LUZP1: variants seen among roughly 807,000 people sequenced by gnomAD.
LUZP1 encodes leucine zipper protein 1, also known as filamin mechanobinding actin cross-linking protein.
LUZP1 carries 25 observed loss-of-function variants against 71.3 expected under a neutral mutation model. The observed-to-expected ratio is 0.35, with a 90% CI of 0.26 to 0.49. LUZP1 has a LOEUF of 0.49. Among genes scored for constraint, LUZP1 ranks in the 20% least tolerant of loss-of-function variants. The pLI is 0.99. For synonymous variants in LUZP1, 481 were observed against 506.4 expected (o/e 0.95, Z 0.67); for missense variants, 1,142 against 1,300.8 (o/e 0.88, Z 1.88).
At chr1:23,126,549 C>T (rs1403276647) in intron 2 of LUZP1, among the ~76,000 whole-genome samples, 1 of 152,178 alleles carries the variant, frequency 6.6e-6, no homozygotes, top group Non-Finnish European at 1.5e-5. Flanking sequence ...TGAATGTAAG[C>T]TCTATTAGAA....
chr1:23,175,060 A>G (rs1417531952), intron 1 of LUZP1, among the ~76,000 whole-genome samples: 1 of 152,096 alleles, frequency 6.6e-6, no homozygotes, highest in Non-Finnish European at 1.5e-5. Context: ...TTGCTAGTAT[A>G]TTGCATATAC....
chr1:23,156,205 C>A (rs767763812), intron 2 of LUZP1, among the ~76,000 whole-genome samples: 1 of 152,210 alleles, frequency 6.6e-6, no homozygotes, highest in Non-Finnish European at 1.5e-5. Flanking sequence ...CATGGTGAAA[C>A]CCTGTCTCTA....
At chr1:23,173,360 T>TCTTTTTTTTTTC (rs1284660347) in intron 1 of LUZP1, among the ~76,000 whole-genome samples, 1 of 140,832 alleles carries the variant, frequency 7.1e-6, no homozygotes, top group African/African-American at 2.6e-5. Flanking sequence ...CTTTTTTTTT[T>TCTTTTTTTTTTC]TTTTTTTTTT....
intron 2 of LUZP1, among the ~76,000 whole-genome samples, chr1:23,168,126 G>T (rs1644525059): frequency 6.9e-6 from 1 of 144,504 alleles, no homozygotes; most frequent in African/African-American, 2.5e-5. Flanking sequence ...CGGCGCGGCC[G>T]ACAGCTGCGG....
chr1:23,094,359 A>T lies in LUZP1; in HGVS notation c.-98T>A. 6.7e-7 allele frequency: 1 copy of T among 1,489,606 alleles called. No individual in the cohort carries two copies. The highest frequency in any genetic ancestry group is 8.9e-7 in the Non-Finnish European group (1 of 1,124,422). The allele number at this position is 1,489,606 out of a possible 1,614,324, so 92.3% of individuals were successfully genotyped here. On this transcript the variant is annotated 5_prime_UTR_variant, in exon 4 of 5. An upstream open reading frame in the 5' UTR gains an earlier in-frame stop. Transcript: ENST00000302291. The surrounding 1 kb of genome is among the most constrained non-coding windows in gnomAD (Gnocchi z 4.7). ...CTCTTGGCAACCACAATCTTCTTTG[A>T]CAGCTGGAGACCATCATCAATCTAC...
At chr1:23,152,750 C>T (rs529362848) in intron 2 of LUZP1, among the ~76,000 whole-genome samples, 4 of 152,174 alleles carry the variant, frequency 2.6e-5, no homozygotes, top group East Asian at 1.9e-4. Context: ...AGGCTGGTCT[C>T]GAACTCCTAG....
chr1:23,123,492 CAA>C (rs10716851), intron 2 of LUZP1, among the ~76,000 whole-genome samples: 22,446 of 106,952 alleles, frequency 0.21, 1,591 homozygotes, highest in Middle Eastern at 0.36. Context: ...ACTTTGTCTC[CAA>C]AAAAAAAAAA....
chr1:23,148,559 C>T (rs1055806034), intron 2 of LUZP1, among the ~76,000 whole-genome samples: 2 of 152,180 alleles, frequency 1.3e-5, no homozygotes, highest in Non-Finnish European at 2.9e-5. Flanking sequence ...CTCCAGGGAA[C>T]TGTCACAGTG....
chr1:23,131,144 G>C (rs996425292), intron 2 of LUZP1, among the ~76,000 whole-genome samples: 8 of 147,620 alleles, frequency 5.4e-5, no homozygotes, highest in African/African-American at 2.0e-4. Context: ...GCTTGAACCC[G>C]GGAGATGGAG....
chr1:23,170,806 C>A (rs1299195321), intron 1 of LUZP1, among the ~76,000 whole-genome samples: 5 of 151,988 alleles, frequency 3.3e-5, no homozygotes, highest in Non-Finnish European at 4.4e-5. Context: ...ATTGACCAGG[C>A]GCGGTTGCTC....
chr1:23,152,477 G>C (rs756420691), intron 2 of LUZP1, among the ~76,000 whole-genome samples: 2 of 152,066 alleles, frequency 1.3e-5, no homozygotes, highest in Non-Finnish European at 2.9e-5. Context: ...GCTATGTCTT[G>C]TACCCTTTCC....
intron 2 of LUZP1, among the ~76,000 whole-genome samples, chr1:23,113,423 AAAAC>A (rs1374344400): frequency 2.6e-5 from 4 of 152,166 alleles, no homozygotes; most frequent in Admixed American, 6.5e-5. Context: ...AAACAAAACA[AAAAC>A]AAACAAACAA....
At chr1:23,163,264 T>C (rs1412541543) in intron 2 of LUZP1, among the ~76,000 whole-genome samples, 1 of 147,542 alleles carries the variant, frequency 6.8e-6, no homozygotes, top group Non-Finnish European at 1.5e-5. Context: ...AAAAAGCATG[T>C]TGGGGCCAGG....
At chr1:23,145,855 G>A (rs1174838999) in intron 2 of LUZP1, among the ~76,000 whole-genome samples, 1 of 152,058 alleles carries the variant, frequency 6.6e-6, no homozygotes, top group East Asian at 1.9e-4. Context: ...ATATGGTAGA[G>A]CTGGAATTCA....
intron 2 of LUZP1, among the ~76,000 whole-genome samples, chr1:23,160,518 C>T (rs1217650222): frequency 1.3e-5 from 2 of 152,222 alleles, no homozygotes; most frequent in Non-Finnish European, 2.9e-5. Context: ...TGTACTTTCA[C>T]ACCCTAATAG....
exon 4 of LUZP1, chr1:23,092,661 G>C (rs1643868639): frequency 6.2e-7 from 1 of 1,614,054 alleles, no homozygotes; most frequent in African/African-American, 1.3e-5. Context: ...AGTCTCAGAG[G>C]AGGTGTCAGA....
chr1:23,105,295 C>A (rs1347967959), intron 3 of LUZP1, among the ~76,000 whole-genome samples: 3 of 151,896 alleles, frequency 2.0e-5, no homozygotes, highest in Non-Finnish European at 2.9e-5. Flanking sequence ...AATCTGATAG[C>A]CACAGTACCA....
Position 23,093,985 on chromosome 1 carries a change from T to C in LUZP1, c.277A>G (p.Lys93Glu). 1 of 1,614,220 alleles carries C rather than the reference T, an allele frequency of 6.2e-7. No homozygotes were observed. The highest frequency in any genetic ancestry group is 8.5e-7 in the Non-Finnish European group (1 of 1,180,028). ...TTTTCTTCCTCTTCAAGTTTCTCCT[T>C]CATCAGACGACACAGATCCTCTGCT... The change falls in exon 4 of 5, where the codon AAG becomes GAG. Residue 93 changes from lysine (K) to glutamate (E), a missense_variant. Transcript: ENST00000302291. The surrounding 1 kb of genome is among the most constrained non-coding windows in gnomAD (Gnocchi z 4.2).
In LUZP1 at chr1:23,091,201, A is replaced by G. The variant is rs769530479; in HGVS notation, c.3061T>C (p.Ser1021Pro). The change falls in exon 4 of 5, where the codon TCA (serine) becomes CCA (proline). Residue 1021 changes from serine (S) to proline (P), a missense_variant. Ser to Pro is a moderately conservative substitution (Grantham distance 74). Coordinates refer to ENST00000302291, the Ensembl canonical transcript of LUZP1. ...AGGCTGGAACTCACCATGCTTGCTG[A>G]GTGGTTCCAGGCTGCGACAGTGATG... 3 of 1,605,514 alleles carry G rather than the reference A, an allele frequency of 1.9e-6. 1 individual carries two copies. In the South Asian group the frequency reaches 3.3e-5, roughly 18 times the overall value.
Sources: gnomAD v4.1 joint callset for allele counts (sites outside exome capture counted in the v4.1 genomes callset) on GRCh38, gnomAD v4.1.1 for gene constraint, Gnocchi (gnomAD v3.1) non-coding constraint, MANE v1.5 for transcripts, NCBI Gene and HGNC (gene_info 2026-07-23, HGNC 2026-07-21) for gene names.